Variants in ANKRD12 observed in about 807,000 individuals in gnomAD.
The protein encoded by ANKRD12 is ankyrin repeat domain 12.
ANKRD12 carries 85 observed loss-of-function variants against 183.4 expected under a neutral mutation model. That is an observed-to-expected ratio of 0.46 (90% CI 0.39 to 0.56). ANKRD12 has a LOEUF of 0.56. ANKRD12 is among the 20% of genes least tolerant of loss of function. The pLI, the probability that ANKRD12 is intolerant of heterozygous loss-of-function variation, is 0.00. For missense variants in ANKRD12, 2,405 were observed against 2,357.1 expected (o/e 1.02, Z -0.42); for synonymous variants, 914 against 800.2 (o/e 1.14, Z -2.40).
intron 5 of ANKRD12, among the ~76,000 whole-genome samples, chr18:9,209,655 C>T (rs546896669): frequency 3.3e-5 from 5 of 152,208 alleles, no homozygotes; most frequent in South Asian, 2.1e-4. Context: ...AAATAGAGTA[C>T]GTTGTGGTTA....
chr18:9,259,584 A>G (rs570142892), intron 9 of ANKRD12: 2 of 152,350 alleles, frequency 1.3e-5, no homozygotes, highest in Admixed American at 6.5e-5. Context: ...GTCTAGTTAT[A>G]TTAGAAGTTT....
At chr18:9,227,338 C>T (rs2036778060) in intron 8 of ANKRD12, among the ~76,000 whole-genome samples, 1 of 152,128 alleles carries the variant, frequency 6.6e-6, no homozygotes, top group Admixed American at 6.5e-5. Flanking sequence ...ATACAAATAA[C>T]TAAAAGGAAT....
At chr18:9,230,356 T>C (rs2036970575) in intron 8 of ANKRD12, among the ~76,000 whole-genome samples, 1 of 152,148 alleles carries the variant, frequency 6.6e-6, no homozygotes, top group African/African-American at 2.4e-5. Flanking sequence ...TTTGTTTGGA[T>C]CTCCTTTCTT....
rs2038497278 is a variant in ANKRD12, at chr18:9,254,693, T to C, written c.1426T>C (p.Leu476=). ...ACAGAAAGGCAAAGTTAAAAGAAAA[T>C]TGAAAAATCAGAATAAAAATAAAGA... ...HKQKGKVKRK[L]KNQNKNKENQ... The change falls in exon 9 of 13, where the codon TTG becomes CTG. Residue 476 remains leucine (L), a synonymous_variant. Coordinates refer to ENST00000262126, the MANE Select transcript of ANKRD12 (RefSeq NM_015208.5). The C allele has an allele frequency of 2.6e-6, 4 of 1,512,328 alleles. No homozygotes were observed. The highest frequency in any genetic ancestry group is 1.4e-5 in the African/African-American group (1 of 70,196). The allele number at this position is 1,512,328 out of a possible 1,614,324, so 93.7% of individuals were successfully genotyped here. A position where few individuals can be genotyped will look rare whatever the true frequency, so the allele number is the denominator to read the frequency against.
chr18:9,280,810 A>G (rs2040079255), intron 12 of ANKRD12, 131 bp from the exon 13 acceptor site: 1 of 811,756 alleles, frequency 1.2e-6, no homozygotes. Flanking sequence ...AAAGAAATGG[A>G]CTTGTAATTC....
chr18:9,157,557 G>T (rs4798779), intron 1 of ANKRD12, among the ~76,000 whole-genome samples: 3 of 91,620 alleles, frequency 3.3e-5, no homozygotes, highest in South Asian at 2.9e-4. Context: ...GTGGGTGTGT[G>T]TGTGTGTGTG....
intron 1 of ANKRD12, among the ~76,000 whole-genome samples, chr18:9,167,198 G>A (rs1437362208): frequency 9.9e-5 from 15 of 152,032 alleles, no homozygotes; most frequent in South Asian, 8.3e-4. Context: ...TTGGCAATGC[G>A]GGCTCTTTTT....
chr18:9,172,792 G>A (rs1458458190), intron 1 of ANKRD12, among the ~76,000 whole-genome samples: 1 of 152,148 alleles, frequency 6.6e-6, no homozygotes, highest in Non-Finnish European at 1.5e-5. Flanking sequence ...TTAGAGAAGA[G>A]GCACTCTGGC....
chr18:9,258,100 C>T lies in ANKRD12; in HGVS notation c.4833C>T (p.Tyr1611=), dbSNP rs768376430. 14 of 1,613,352 alleles carry T rather than the reference C, an allele frequency of 8.7e-6. No homozygotes were observed. The East Asian group carries it at 1.3e-4, about 15-fold the overall frequency. The part of the protein sequence containing the change: ...NTHYAFSKLT[Y]KSSSGHEVEN... ...ATTATGCATTTAGCAAACTAACTTACAAGTCTTCCAGTGGCCATGAAGTTG... is the reference window on the plus strand; with the variant it reads ...ATTATGCATTTAGCAAACTAACTTATAAGTCTTCCAGTGGCCATGAAGTTG... The change falls in exon 9 of 13, where the codon TAC becomes TAT. Residue 1611 remains tyrosine (Y), a synonymous_variant. Transcript: ENST00000262126.
Position 9,174,033 on chromosome 18 carries a change from C to CA in ANKRD12, c.-51-8348dup, listed in dbSNP as rs561612064. 1.2e-4 allele frequency among the ~76,000 whole-genome samples: 18 copies of CA among 152,320 alleles called. No individual in the cohort carries two copies. In the East Asian group the frequency reaches 3.5e-3, roughly 29 times the overall value. ...GAAATTCCCTCAGGGAGGCCCCACC[C>CA]AGTGAGGAGGGATGGATTGGGGTCC... On this transcript the variant is annotated intron_variant, in intron 1 of 12. Transcript: ENST00000262126.
chr18:9,167,154 A>G (rs1598433693), intron 1 of ANKRD12, among the ~76,000 whole-genome samples: 1 of 152,098 alleles, frequency 6.6e-6, no homozygotes, highest in Middle Eastern at 3.4e-3. Flanking sequence ...GCAGTGTGAT[A>G]CCTCCAGCTT....
intron 5 of ANKRD12, among the ~76,000 whole-genome samples, chr18:9,209,240 G>C (rs12326829): frequency 0.074 from 11,216 of 152,222 alleles, 426 homozygotes; most frequent in African/African-American, 0.083. Flanking sequence ...AAACAACATG[G>C]TAATTTATAA....
chr18:9,250,418 G>A lies in ANKRD12; in HGVS notation c.944-3793G>A, dbSNP rs569342180. Among the ~76,000 whole-genome samples, 208 of 152,160 alleles carry A rather than the reference G, an allele frequency of 1.4e-3. 6 individuals are homozygous for A. The South Asian group carries it at 0.042, about 30-fold the overall frequency. ...GTAGTAGTGGGAATAGAGAGAAAAC[G>A]GATTTAAGAGAGAGTCCAGGCTGGG... On this transcript the variant is annotated intron_variant, in intron 8 of 12. Coordinates refer to ENST00000262126, the MANE Select transcript of ANKRD12 (RefSeq NM_015208.5).
chr18:9,226,527 T>C (rs916087170), intron 8 of ANKRD12, among the ~76,000 whole-genome samples: 8 of 152,190 alleles, frequency 5.3e-5, no homozygotes, highest in African/African-American at 1.9e-4. Context: ...CCCATCATGA[T>C]AAACATGATT....
At chr18:9,246,382 A>G (rs1026702341) in intron 8 of ANKRD12, among the ~76,000 whole-genome samples, 1 of 152,214 alleles carries the variant, frequency 6.6e-6, no homozygotes, top group East Asian at 1.9e-4. Flanking sequence ...ATTAGATACA[A>G]GAAAATAAGT....
At chr18:9,198,650 A>G (rs1424808023) in intron 3 of ANKRD12, among the ~76,000 whole-genome samples, 2 of 152,066 alleles carry the variant, frequency 1.3e-5, no homozygotes, top group Non-Finnish European at 2.9e-5. Context: ...CCTGGGTTCA[A>G]GTGATTCTCC....
At chr18:9,239,991 A>C (rs1191577665) in intron 8 of ANKRD12, among the ~76,000 whole-genome samples, 1 of 152,176 alleles carries the variant, frequency 6.6e-6, no homozygotes. Flanking sequence ...TTGTGCCAGA[A>C]TGTCTGTCAG....
chr18:9,189,150 T>C (rs2034295190), intron 2 of ANKRD12, among the ~76,000 whole-genome samples: 1 of 152,222 alleles, frequency 6.6e-6, no homozygotes, highest in Non-Finnish European at 1.5e-5. Context: ...AACAGTCTTA[T>C]TGCTGATATG....
intron 1 of ANKRD12, among the ~76,000 whole-genome samples, chr18:9,144,601 C>G (rs574809030): frequency 7.2e-5 from 11 of 152,260 alleles, no homozygotes; most frequent in Admixed American, 2.0e-4. Flanking sequence ...AATAGACTGG[C>G]AGAGGTATAA....
Sources: allele counts gnomAD v4.1 joint callset (sites outside exome capture counted in the v4.1 genomes callset), GRCh38; gene constraint gnomAD v4.1.1; transcripts MANE v1.5; gene names NCBI Gene and HGNC (gene_info 2026-07-23, HGNC 2026-07-21).